LRRC49: variants seen among roughly 807,000 people sequenced by gnomAD.
LRRC49 encodes the protein leucine rich repeat containing 49, also known as leucine-rich repeat-containing protein 49.
LRRC49 carries 50 observed loss-of-function variants against 83.3 expected under a neutral mutation model. That is an observed-to-expected ratio of 0.60 (90% CI 0.48 to 0.76). The LOEUF is 0.76. Among genes scored for constraint, LRRC49 ranks in the 30% least tolerant of loss-of-function variants. LRRC49 has a pLI of 0.00. For synonymous variants in LRRC49, 286 were observed against 283.3 expected (o/e 1.01, Z -0.10); for missense variants, 704 against 809.1 (o/e 0.87, Z 1.58).
At chr15:70,994,886 C>T (rs2038023422) in intron 11 of LRRC49, among the ~76,000 whole-genome samples, 1 of 152,180 alleles carries the variant, frequency 6.6e-6, no homozygotes, top group Non-Finnish European at 1.5e-5. Flanking sequence ...ATTGTTATGA[C>T]AGTAACGTCA....
Position 71,008,546 on chromosome 15 carries a change from T to G in LRRC49, c.1337T>G (p.Phe446Cys). ...GCAGGAATGATCACAACAGTCTCCTTCACTTTCATAGAATTTGATGAAATC... is the reference window on the plus strand; with the variant it reads ...GCAGGAATGATCACAACAGTCTCCTGCACTTTCATAGAATTTGATGAAATC... Reference protein sequence around the residue: ...QTAGMITTVSFTFIEFDEIVQ... With the variant: ...QTAGMITTVSCTFIEFDEIVQ... The change falls in exon 12 of 16, where the codon TTC becomes TGC. Residue 446 changes from phenylalanine (F) to cysteine (C), a missense_variant. This residue lies in a region of LRRC49 where 275 missense variants were observed against 338.0 expected (regional missense o/e 0.81). Coordinates refer to ENST00000260382, the MANE Select transcript of LRRC49 (RefSeq NM_017691.5). The G allele has an allele frequency of 5.0e-6, 8 of 1,612,732 alleles. No individual in the cohort carries two copies. Among genetic ancestry groups the G allele is most frequent in the Non-Finnish European group, 6.8e-6 (8 of 1,179,148 alleles).
At chr15:70,936,554 G>A (rs550226893) in intron 7 of LRRC49, 360 of 474,114 alleles carry the variant, frequency 7.6e-4, no homozygotes, top group Admixed American at 1.2e-3. Flanking sequence ...TACCTTGCGA[G>A]TGGTGCAGCT....
chr15:70,967,488 C>T (rs544641974), intron 9 of LRRC49, among the ~76,000 whole-genome samples: 88 of 152,116 alleles, frequency 5.8e-4, no homozygotes, highest in African/African-American at 2.0e-3. Context: ...AATATGATGC[C>T]ATCTATCACT....
intron 7 of LRRC49, among the ~76,000 whole-genome samples, chr15:70,936,000 T>G (rs1596038765): frequency 1.3e-5 from 2 of 152,236 alleles, no homozygotes; most frequent in East Asian, 3.8e-4. Context: ...GGTTTATGTC[T>G]TTTCATGAAA....
chr15:70,987,550 C>T (rs377430420), intron 11 of LRRC49, among the ~76,000 whole-genome samples: 124 of 151,862 alleles, frequency 8.2e-4, no homozygotes, highest in African/African-American at 2.4e-3. Flanking sequence ...GTCTTGCTAG[C>T]GGTCTATCAA....
chr15:70,891,853 T>G (rs1595985691), upstream of LRRC49: 7 of 1,593,586 alleles, frequency 4.4e-6, no homozygotes, highest in Non-Finnish European at 6.0e-6. Context: ...CCTGTGAAGC[T>G]GCAGCCTGCT....
At chr15:70,854,574 C>A (rs536809100) in intron 1 of LRRC49, among the ~76,000 whole-genome samples, 7 of 152,322 alleles carry the variant, frequency 4.6e-5, no homozygotes, top group African/African-American at 1.7e-4. Flanking sequence ...GTGTCTCCCC[C>A]ACTGGCCTGC....
chr15:70,918,607 A>T (rs2034883891), intron 6 of LRRC49: 1 of 152,584 alleles, frequency 6.6e-6, no homozygotes, highest in Middle Eastern at 3.2e-3. Flanking sequence ...TGCAGTTTAA[A>T]TAGAATTAAT....
intron 11 of LRRC49, among the ~76,000 whole-genome samples, chr15:70,987,117 C>T (rs1465564934): frequency 9.2e-5 from 14 of 152,056 alleles, no homozygotes. Flanking sequence ...GTGTCTCTAC[C>T]CGGCTTTGGT....
intron 1 of LRRC49, chr15:70,859,719 C>T: frequency 2.9e-6 from 2 of 691,242 alleles, no homozygotes; most frequent in East Asian, 3.2e-5. Context: ...GCCACCATCG[C>T]AGATGTGGAG....
chr15:70,986,893 CAT>C (rs1266754841), intron 11 of LRRC49, among the ~76,000 whole-genome samples: 1 of 152,118 alleles, frequency 6.6e-6, no homozygotes, highest in African/African-American at 2.4e-5. Flanking sequence ...TTGAGATAAT[CAT>C]GTGGTTTTTG....
At chr15:70,946,362 C>A (rs753420853) in intron 8 of LRRC49, among the ~76,000 whole-genome samples, 3 of 152,080 alleles carry the variant, frequency 2.0e-5, no homozygotes, top group African/African-American at 7.2e-5. Context: ...CTGTGCCTGG[C>A]TTATTTCACT....
chr15:71,008,352 T>C (rs757057204), intron 11 of LRRC49, 27 bp from the exon 12 acceptor site: 1 of 1,368,084 alleles, frequency 7.3e-7, no homozygotes, highest in East Asian at 2.3e-5. Context: ...ATATCTTTCA[T>C]TTAAAATTAT....
intron 3 of LRRC49, among the ~76,000 whole-genome samples, chr15:70,898,060 A>C (rs1163832072): frequency 6.6e-6 from 1 of 152,188 alleles, no homozygotes; most frequent in Non-Finnish European, 1.5e-5. Flanking sequence ...ATATATGGCA[A>C]TATGTACTAT....
chr15:71,025,946 G>A (rs1174704379), intron 14 of LRRC49, among the ~76,000 whole-genome samples: 2 of 152,146 alleles, frequency 1.3e-5, no homozygotes, highest in Non-Finnish European at 2.9e-5. Context: ...ACACCCCACT[G>A]TCAACATTAG....
intron 3 of LRRC49, 73 bp downstream of exon 3, chr15:70,896,009 T>C (rs2033821555): frequency 2.3e-6 from 2 of 857,630 alleles, no homozygotes; most frequent in Non-Finnish European, 3.6e-6. Flanking sequence ...TAATGTTGAA[T>C]TACTAGATCC....
intron 2 of LRRC49, among the ~76,000 whole-genome samples, chr15:70,883,340 C>T (rs898675221): frequency 1.3e-4 from 20 of 151,518 alleles, no homozygotes; most frequent in African/African-American, 4.6e-4. Context: ...TACAGGCAGG[C>T]GCCACCACGC....
At chr15:70,915,780 A>G (rs2034748595) in intron 6 of LRRC49, among the ~76,000 whole-genome samples, 1 of 152,152 alleles carries the variant, frequency 6.6e-6, no homozygotes, top group Admixed American at 6.6e-5. Flanking sequence ...CAACTTTTAT[A>G]TAATTTTATC....
At chr15:71,030,259 T>C (rs2039308371) in intron 14 of LRRC49, among the ~76,000 whole-genome samples, 1 of 152,214 alleles carries the variant, frequency 6.6e-6, no homozygotes, top group African/African-American at 2.4e-5. Context: ...TAATTTTATT[T>C]CTCCTTCACT....
Sources: allele counts gnomAD v4.1 joint callset (sites outside exome capture counted in the v4.1 genomes callset), GRCh38; gene constraint gnomAD v4.1.1; regional missense constraint gnomAD v4.1.1; transcripts MANE v1.5; gene names NCBI Gene and HGNC (gene_info 2026-07-23, HGNC 2026-07-21).